Variants in DTNA observed in about 807,000 individuals in gnomAD.
DTNA encodes dystrophin-related protein 3.
Under a neutral mutation model 100.7 loss-of-function variants are expected in DTNA, and 43 were observed. The observed-to-expected ratio is 0.43, with a 90% CI of 0.33 to 0.55. DTNA has a LOEUF of 0.55. Among genes scored for constraint, DTNA ranks in the 20% least tolerant of loss-of-function variants. The pLI, the probability that DTNA is intolerant of heterozygous loss-of-function variation, is 0.04. For synonymous variants in DTNA, 349 were observed against 347.9 expected, an observed-to-expected ratio of 1.00 and a Z score of -0.04; for missense variants, 798 against 953.9, an observed-to-expected ratio of 0.84 and a Z score of 2.15.
At chr18:34,706,006 G>A (rs2082064649), upstream of DTNA, among the ~76,000 whole-genome samples, 1 of 152,052 alleles carries the variant, frequency 6.6e-6, no homozygotes, top group Admixed American at 6.5e-5. Context: ...AGAGTGTAGT[G>A]GCGTGATCTC....
chr18:34,827,728 G>T (rs781408717), intron 10 of DTNA, 52 bp downstream of exon 10: 1 of 1,553,828 alleles, frequency 6.4e-7, no homozygotes. Context: ...AATGAGCCTT[G>T]ATTCTGTGGT....
intron 1 of DTNA, among the ~76,000 whole-genome samples, chr18:34,543,947 C>T (rs558793326): frequency 2.0e-4 from 30 of 152,082 alleles, no homozygotes; most frequent in African/African-American, 6.3e-4. Flanking sequence ...TGTTTTTGCA[C>T]GAAATTTTAG....
intron 1 of DTNA, among the ~76,000 whole-genome samples, chr18:34,668,295 G>A (rs746261834): frequency 5.3e-5 from 8 of 151,856 alleles, no homozygotes; most frequent in Non-Finnish European, 1.0e-4. Flanking sequence ...TTTTTATTGC[G>A]TCTATTTGAT....
At chr18:34,559,953 G>A (rs1047678877) in intron 1 of DTNA, among the ~76,000 whole-genome samples, 8 of 152,160 alleles carry the variant, frequency 5.3e-5, no homozygotes, top group African/African-American at 1.2e-4. Context: ...TGTAAACTAG[G>A]TTGTGCTGAC....
chr18:34,590,764 A>C (rs1567964244), intron 1 of DTNA, among the ~76,000 whole-genome samples: 1 of 152,240 alleles, frequency 6.6e-6, no homozygotes, highest in Non-Finnish European at 1.5e-5. Flanking sequence ...TAATTCTCAC[A>C]TTAGTGCTTA....
intron 20 of DTNA, among the ~76,000 whole-genome samples, chr18:34,881,579 G>GTGTATGTGCA (rs2096874073): frequency 6.7e-6 from 1 of 150,292 alleles, no homozygotes; most frequent in African/African-American, 2.4e-5. Flanking sequence ...GCATGCATAT[G>GTGTATGTGCA]TGTATGTGCA....
chr18:34,559,320 A>G (rs1463928013), intron 1 of DTNA, among the ~76,000 whole-genome samples: 1 of 152,242 alleles, frequency 6.6e-6, no homozygotes, highest in Non-Finnish European at 1.5e-5. Context: ...AGGGTGAGCA[A>G]CTGAATCAAG....
intron 1 of DTNA, among the ~76,000 whole-genome samples, chr18:34,745,818 G>C (rs2091479379): frequency 6.6e-6 from 1 of 152,144 alleles, no homozygotes; most frequent in Non-Finnish European, 1.5e-5. Flanking sequence ...GCCCATGCAA[G>C]AACTGTAATG....
chr18:34,616,899 T>C (rs2055405394), intron 1 of DTNA, among the ~76,000 whole-genome samples: 1 of 152,190 alleles, frequency 6.6e-6, no homozygotes, highest in Non-Finnish European at 1.5e-5. Flanking sequence ...GTGAATGGGA[T>C]TGAGTTCTTG....
rs1400640566 is a variant in DTNA at position 34,868,030 on chromosome 18, A to G, written c.1743+3968A>G. On this transcript the variant is annotated intron_variant, in intron 17 of 22. Transcript: ENST00000444659. ...CAAAAAGGACCTGAGGCAGCTTACA[A>G]CAAAAGATATAAACAGTGACTTCAT... 5 of 982,680 alleles carry G rather than the reference A, an allele frequency of 5.1e-6. No homozygotes were observed. In the African/African-American group the frequency reaches 7.0e-5, roughly 14 times the overall value. 60.9% of individuals were successfully genotyped at this position (982,680 alleles called of 1,614,324 possible).
intron 3 of DTNA, among the ~76,000 whole-genome samples, chr18:34,773,854 G>A (rs1267563304): frequency 6.6e-6 from 1 of 152,160 alleles, no homozygotes; most frequent in African/African-American, 2.4e-5. Context: ...AATTAAAGCT[G>A]CTTCTTCCCT....
chr18:34,614,716 G>A (rs555354543), intron 1 of DTNA, among the ~76,000 whole-genome samples: 24 of 152,226 alleles, frequency 1.6e-4, no homozygotes, highest in African/African-American at 5.8e-4. Flanking sequence ...GATAGAACTT[G>A]AAAACAAGAG....
intron 1 of DTNA, among the ~76,000 whole-genome samples, chr18:34,656,840 A>G (rs925430849): frequency 2.6e-5 from 4 of 152,010 alleles, no homozygotes; most frequent in African/African-American, 9.7e-5. Flanking sequence ...CCAATAGTCT[A>G]TTTTACGTAA....
chr18:34,835,747 G>A (rs2096127154), intron 11 of DTNA, among the ~76,000 whole-genome samples: 1 of 152,208 alleles, frequency 6.6e-6, no homozygotes, highest in African/African-American at 2.4e-5. Flanking sequence ...TCCCATAGAA[G>A]TTCACCAGAA....
intron 1 of DTNA, among the ~76,000 whole-genome samples, chr18:34,515,682 A>C (rs2041531614): frequency 6.6e-6 from 1 of 152,086 alleles, no homozygotes; most frequent in African/African-American, 2.4e-5. Context: ...TCATTGCTTA[A>C]TGTATCCTGT....
intron 1 of DTNA, among the ~76,000 whole-genome samples, chr18:34,568,439 C>CA (rs2047276075): frequency 6.6e-6 from 1 of 152,098 alleles, no homozygotes; most frequent in South Asian, 2.1e-4. Context: ...GGGTTTATCT[C>CA]ATTCCCTACA....
intron 1 of DTNA, among the ~76,000 whole-genome samples, chr18:34,750,408 T>G (rs2092202042): frequency 6.6e-6 from 1 of 152,210 alleles, no homozygotes. Context: ...GAGAGAGCTG[T>G]GACCCTTCTC....
chr18:34,544,284 A>G (rs920849929), intron 1 of DTNA, among the ~76,000 whole-genome samples: 20 of 152,100 alleles, frequency 1.3e-4, no homozygotes, highest in African/African-American at 4.8e-4. Context: ...ATAGTGTTAT[A>G]TATTTCTTTC....
At chr18:34,648,784 CT>C (rs1262189275) in intron 1 of DTNA, among the ~76,000 whole-genome samples, 2 of 152,118 alleles carry the variant, frequency 1.3e-5, no homozygotes, top group Non-Finnish European at 2.9e-5. Context: ...TTCTGTTTCC[CT>C]TTGTCTTCAA....
Sources: gnomAD v4.1 joint callset for allele counts (sites outside exome capture counted in the v4.1 genomes callset) on GRCh38, gnomAD v4.1.1 for gene constraint, MANE v1.5 for transcripts, NCBI Gene and HGNC (gene_info 2026-07-23, HGNC 2026-07-21) for gene names.